Variants in RPH3AL observed in about 807,000 individuals in gnomAD.
RPH3AL encodes the protein rab effector Noc2.
RPH3AL carries 38 observed loss-of-function variants against 43.1 expected under a neutral mutation model. The ratio of observed to expected loss-of-function variants is 0.88; its 90% CI spans 0.68 to 1.15. The LOEUF (loss-of-function observed/expected upper bound fraction) is 1.15. Ranked by LOEUF, RPH3AL falls within the 50% of genes most tolerant of loss-of-function variation. The probability of loss-of-function intolerance (pLI) is 0.00; values close to 1 mark genes in which losing one functional copy is unlikely to be tolerated. For missense variants in RPH3AL, 462 were observed against 423.2 expected (o/e 1.09, Z -0.81); for synonymous variants, 189 against 176.3 (o/e 1.07, Z -0.57).
chr17:238,525 C>T (rs1019581184), intron 7 of RPH3AL, among the ~76,000 whole-genome samples: 2 of 152,186 alleles, frequency 1.3e-5, no homozygotes, highest in Admixed American at 6.5e-5. Flanking sequence ...GCGCCTTTAT[C>T]GTTCTTCCTT....
rs1567604547 is a variant in RPH3AL, at chr17:273,000, CCCCAGCGAG to C, written c.438+8759_438+8767del. 2.1e-3 allele frequency among the ~76,000 whole-genome samples: 240 copies of C among 114,700 alleles called. 3 individuals are homozygous for C. Among genetic ancestry groups the C allele is most frequent in the African/African-American group, 6.6e-3 (226 of 34,160 alleles). The allele number at this position is 114,700 out of a possible 152,430, so 75.2% of individuals were successfully genotyped here. On this transcript the variant is annotated intron_variant, in intron 6 of 9. Transcript: ENST00000331302. ...CAGCAAGGGCTACGTCAGGGTGAGA[CCCCAGCGAG>C]GGCGACATCAGGAAGAGACCCCAGC... is the stretch of plus-strand genomic sequence containing the variant.
chr17:252,639 G>A (rs181212337), intron 6 of RPH3AL, among the ~76,000 whole-genome samples: 14 of 152,098 alleles, frequency 9.2e-5, no homozygotes, highest in African/African-American at 2.7e-4. Context: ...TCCAATCCTC[G>A]TCCTCACGGG....
intron 7 of RPH3AL, among the ~76,000 whole-genome samples, chr17:241,722 T>C (rs1295175875): frequency 2.9e-4 from 5 of 17,136 alleles, no homozygotes; most frequent in African/African-American, 8.2e-4. Flanking sequence ...TTTTTTTTTC[T>C]TTTTTTTTTT....
intron 5 of RPH3AL, among the ~76,000 whole-genome samples, chr17:307,852 G>C (rs2043540547): frequency 1.3e-5 from 2 of 152,234 alleles, no homozygotes; most frequent in Admixed American, 6.5e-5. Context: ...AAGACAGCAA[G>C]AGAAAAGGAG....
At chr17:266,229 T>C (rs542971499) in intron 6 of RPH3AL, among the ~76,000 whole-genome samples, 252 of 151,890 alleles carry the variant, frequency 1.7e-3, no homozygotes, top group Non-Finnish European at 2.9e-3. Context: ...TGTGTGTGTG[T>C]GCGTGCACCT....
intron 7 of RPH3AL, among the ~76,000 whole-genome samples, chr17:230,655 T>C (rs1030077842): frequency 6.6e-6 from 1 of 152,202 alleles, no homozygotes; most frequent in Non-Finnish European, 1.5e-5. Flanking sequence ...TGGTCTGCAC[T>C]GTCAGGGACA....
intron 6 of RPH3AL, among the ~76,000 whole-genome samples, chr17:253,711 C>A (rs1242855442): frequency 2.2e-5 from 3 of 135,660 alleles, no homozygotes; most frequent in Non-Finnish European, 4.8e-5. Flanking sequence ...AGGGGAGCCG[C>A]ACGGCGTCTG....
At chr17:257,170 T>A (rs1189242680) in intron 6 of RPH3AL, among the ~76,000 whole-genome samples, 54 of 59,320 alleles carry the variant, frequency 9.1e-4, no homozygotes, top group African/African-American at 1.9e-3. Flanking sequence ...GTGACTACCC[T>A]ACGTACTTCC....
intron 6 of RPH3AL, among the ~76,000 whole-genome samples, chr17:262,445 A>G (rs1749878751): frequency 6.6e-6 from 1 of 152,076 alleles, no homozygotes; most frequent in Non-Finnish European, 1.5e-5. Flanking sequence ...TGAACTGCTG[A>G]CCTCGTGATC....
At chr17:315,545 T>G (rs1555519138) in intron 5 of RPH3AL, among the ~76,000 whole-genome samples, 65 of 138,910 alleles carry the variant, frequency 4.7e-4, no homozygotes, top group African/African-American at 1.7e-3. Context: ...CCCACCTCCA[T>G]TGACCTGTAG....
At position 290,942 on chromosome 17, in the gene RPH3AL, C is replaced by T. The variant is rs904493699; in HGVS notation, c.352-9088G>A. On this transcript the variant is annotated intron_variant, in intron 5 of 9. Coordinates refer to ENST00000331302, the MANE Select transcript of RPH3AL (RefSeq NM_006987.4). The surrounding 1 kb of genome is among the most constrained non-coding windows in gnomAD (Gnocchi z 4.2). ...CACTCGACCGAAAAGGGTGAAACTG[C>T]GCTCAAACGTCCTGTACAAGGAGGC... Among the ~76,000 whole-genome samples the T allele has an allele frequency of 6.6e-6, 1 of 152,150 alleles. No homozygotes were observed. Among genetic ancestry groups the T allele is most frequent in the Non-Finnish European group, 1.5e-5 (1 of 68,034 alleles).
At chr17:224,955 G>A (rs1318430653) in intron 7 of RPH3AL, among the ~76,000 whole-genome samples, 1 of 146,630 alleles carries the variant, frequency 6.8e-6, no homozygotes, top group Admixed American at 6.8e-5. Context: ...CACACACCGG[G>A]GCCTGTCATG....
At position 292,197 on chromosome 17, in the gene RPH3AL, G is replaced by A. The variant is rs897195095; in HGVS notation, c.352-10343C>T. 5.9e-5 allele frequency among the ~76,000 whole-genome samples: 9 copies of A among 152,100 alleles called. No individual in the cohort carries two copies. In the East Asian group the frequency reaches 1.4e-3, roughly 23 times the overall value. ...GTGTCCCCGGGTCACCGGCCCCTCCGATCATAAGCTCAGCCCTGCTCAGCC... is the reference window on the plus strand; with the variant it reads ...GTGTCCCCGGGTCACCGGCCCCTCCAATCATAAGCTCAGCCCTGCTCAGCC... On this transcript the variant is annotated intron_variant, in intron 5 of 9. Coordinates refer to ENST00000331302, the MANE Select transcript of RPH3AL (RefSeq NM_006987.4).
chr17:231,248 C>A (rs1026890950), intron 7 of RPH3AL, among the ~76,000 whole-genome samples: 29 of 152,348 alleles, frequency 1.9e-4, no homozygotes, highest in Non-Finnish European at 1.5e-4. Context: ...CAGGTTCCCC[C>A]ACTTGGGCTG....
In RPH3AL at chr17:345,075, C is replaced by A. The variant is rs1358346134; in HGVS notation, c.-213+7637G>T. On this transcript the variant is annotated intron_variant, in intron 1 of 9. Transcript: ENST00000331302. ...ATTGAGCCCAGGAGTTTGAATCCAG[C>A]CTGGGCAACATGGTGAAACCTTGTC... Among the ~76,000 whole-genome samples, 7 of 134,962 alleles carry A rather than the reference C, an allele frequency of 5.2e-5. 1 individual carries two copies. The highest frequency in any genetic ancestry group is 1.8e-4 in the African/African-American group (7 of 39,346). 88.5% of individuals were successfully genotyped at this position (134,962 alleles called of 152,430 possible).
intron 7 of RPH3AL, among the ~76,000 whole-genome samples, chr17:240,650 G>A (rs1001817620): frequency 6.6e-5 from 10 of 152,174 alleles, no homozygotes; most frequent in Admixed American, 5.2e-4. Flanking sequence ...ACTGAATAAC[G>A]TTCCACTGTG....
Position 329,986 on chromosome 17 carries a change from C to T in RPH3AL, c.-36-2407G>A, listed in dbSNP as rs9911492. ...CTTCTCCTTTTCTGTACATTTGTGA[C>T]AGGATAAAACCCAGAGTCCTATGAC... On this transcript the variant is annotated intron_variant, in intron 2 of 9. Transcript: ENST00000331302. Among the ~76,000 whole-genome samples the T allele has an allele frequency of 1.4e-4, 21 of 152,264 alleles. No homozygotes were observed. The South Asian group carries it at 3.9e-3, about 29-fold the overall frequency.
At chr17:218,012 G>A in intron 8 of RPH3AL, among the ~76,000 whole-genome samples, 1 of 133,174 alleles carries the variant, frequency 7.5e-6, no homozygotes, top group Non-Finnish European at 1.6e-5. Flanking sequence ...TTATTACAGA[G>A]CCCTTCTTCT....
intron 5 of RPH3AL, among the ~76,000 whole-genome samples, chr17:294,972 G>A (rs375106953): frequency 3.4e-5 from 3 of 89,202 alleles, no homozygotes; most frequent in Admixed American, 1.1e-4. Flanking sequence ...CAGTGTGGGA[G>A]GGACACAGAT....
Sources: allele counts gnomAD v4.1 joint callset (sites outside exome capture counted in the v4.1 genomes callset), GRCh38; gene constraint gnomAD v4.1.1; non-coding constraint Gnocchi (gnomAD v3.1); transcripts MANE v1.5; gene names NCBI Gene and HGNC (gene_info 2026-07-23, HGNC 2026-07-21).